Variants in CCDC91 observed in about 807,000 individuals in gnomAD.
The protein encoded by CCDC91 is coiled-coil domain-containing protein 91.
In CCDC91, 48 loss-of-function variants were observed where a neutral mutation model predicts 63.2. That is an observed-to-expected ratio of 0.76 (90% CI 0.60 to 0.97). The LOEUF is 0.97. CCDC91 is among the 50% of genes least tolerant of loss of function. The pLI is 0.00. For missense variants in CCDC91, 500 were observed against 494.6 expected (o/e 1.01, Z -0.10); for synonymous variants, 167 against 165.8 (o/e 1.01, Z -0.06).
At chr12:28,538,353 G>A (rs563482877) in intron 12 of CCDC91, among the ~76,000 whole-genome samples, 13 of 148,110 alleles carry the variant, frequency 8.8e-5, no homozygotes, top group African/African-American at 1.5e-4. Flanking sequence ...GAGAACATGC[G>A]CTGTTTGGTT....
chr12:28,426,492 T>C (rs1206797538), intron 8 of CCDC91, among the ~76,000 whole-genome samples: 3 of 152,130 alleles, frequency 2.0e-5, no homozygotes, highest in African/African-American at 7.2e-5. Context: ...TTTTGTTTGA[T>C]TTTTTGCCCT....
intron 8 of CCDC91, among the ~76,000 whole-genome samples, chr12:28,446,445 A>C (rs1237892612): frequency 6.6e-6 from 1 of 152,228 alleles, no homozygotes; most frequent in Non-Finnish European, 1.5e-5. Context: ...AACTTCAAGG[A>C]AACAGAGACA....
chr12:28,443,327 C>T (rs1406696129), intron 8 of CCDC91, among the ~76,000 whole-genome samples: 4 of 151,752 alleles, frequency 2.6e-5, no homozygotes, highest in African/African-American at 7.3e-5. Context: ...CTGCCCTCGA[C>T]CTCTTTTCTA....
chr12:28,290,784 AC>A (rs1000059355), intron 3 of CCDC91, among the ~76,000 whole-genome samples: 33 of 151,078 alleles, frequency 2.2e-4, no homozygotes, highest in African/African-American at 7.3e-4. Context: ...ATTGATATTT[AC>A]CTTAAAGATT....
intron 6 of CCDC91, among the ~76,000 whole-genome samples, chr12:28,343,552 A>G (rs1942593194): frequency 6.6e-6 from 1 of 152,132 alleles, no homozygotes. Context: ...ATTACACAGA[A>G]AAATGAGCTT....
At chr12:28,339,212 A>G (rs1465895179) in intron 6 of CCDC91, among the ~76,000 whole-genome samples, 3 of 152,200 alleles carry the variant, frequency 2.0e-5, no homozygotes, top group Non-Finnish European at 4.4e-5. Flanking sequence ...CATGAAGGAA[A>G]GGGAGTAGTT....
rs563084565 is a variant in CCDC91 at position 28,444,010 on chromosome 12, G to A, written c.763-6151G>A. On this transcript the variant is annotated intron_variant, in intron 8 of 12. Transcript: ENST00000536442. ...ATATCCCTAAACCCTTCAGTGAAGG[G>A]GAATGGTGATAGCATCATTGGTCAC... Among the ~76,000 whole-genome samples, 82 of 152,198 alleles carry A rather than the reference G, an allele frequency of 5.4e-4. 1 individual carries two copies. Among genetic ancestry groups the A allele is most frequent in the South Asian group, 3.5e-3 (17 of 4,820 alleles).
At position 28,198,766 on chromosome 12, in the gene CCDC91, C is replaced by T. The variant is rs111630964; in HGVS notation, c.-15+8125C>T. On this transcript the variant is annotated intron_variant, in intron 1 of 12. Transcript: ENST00000536442. ...AATCCATTTACAATTAATGTATTTA[C>T]TAATGCTTAAGGTAGTATTTATGTC... is the stretch of plus-strand genomic sequence containing the variant. 9.1e-3 allele frequency among the ~76,000 whole-genome samples: 1,381 copies of T among 152,196 alleles called. 17 individuals are homozygous for T. Among genetic ancestry groups the T allele is most frequent in the African/African-American group, 0.032 (1,322 of 41,530 alleles).
At chr12:28,514,515 G>T (rs1939723221) in intron 12 of CCDC91, among the ~76,000 whole-genome samples, 1 of 150,080 alleles carries the variant, frequency 6.7e-6, no homozygotes, top group Admixed American at 6.6e-5. Flanking sequence ...GTCAATTTTT[G>T]CTTTGGTTGT....
chr12:28,317,446 T>C (rs1592289348), intron 6 of CCDC91, among the ~76,000 whole-genome samples: 2 of 152,120 alleles, frequency 1.3e-5, no homozygotes. Flanking sequence ...CTCAATCTCA[T>C]AGCAATAAAA....
intron 11 of CCDC91, among the ~76,000 whole-genome samples, chr12:28,466,632 A>G (rs1434484596): frequency 1.3e-5 from 2 of 152,168 alleles, no homozygotes; most frequent in African/African-American, 4.8e-5. Flanking sequence ...TCCTTCAGTC[A>G]TGAAGGAGGA....
At position 28,472,946 on chromosome 12, in the gene CCDC91, CT is replaced by C. The variant is rs966768211; in HGVS notation, c.1102-11097del. 4.0e-5 allele frequency among the ~76,000 whole-genome samples: 6 copies of C among 151,408 alleles called. No individual in the cohort carries two copies. The South Asian group carries it at 6.3e-4, about 16-fold the overall frequency. ...AAATTTGTGTGGAATAGAAGTCTTA[CT>C]TTTTTTTTAAGCTGTTGTTGCACAG... On this transcript the variant is annotated intron_variant, in intron 11 of 12. Coordinates refer to ENST00000536442, the MANE Select transcript of CCDC91 (RefSeq NM_018318.5).
chr12:28,199,886 G>A (rs1282445928), intron 1 of CCDC91, among the ~76,000 whole-genome samples: 1 of 152,054 alleles, frequency 6.6e-6, no homozygotes, highest in African/African-American at 2.4e-5. Flanking sequence ...TTTATGTTTC[G>A]AAAGTTTGGT....
intron 11 of CCDC91, among the ~76,000 whole-genome samples, chr12:28,474,268 G>A (rs1414849351): frequency 1.3e-5 from 2 of 149,846 alleles, no homozygotes; most frequent in Non-Finnish European, 3.0e-5. Flanking sequence ...AGTTAAAAAT[G>A]ATAATAATGT....
At chr12:28,458,534 A>G (rs1950164981) in intron 11 of CCDC91, among the ~76,000 whole-genome samples, 1 of 119,614 alleles carries the variant, frequency 8.4e-6, no homozygotes, top group African/African-American at 3.3e-5. Context: ...CAGGGGTGCT[A>G]TCTTAGCTCA....
chr12:28,519,290 G>T (rs1940313222), intron 12 of CCDC91, among the ~76,000 whole-genome samples: 8 of 130,350 alleles, frequency 6.1e-5, no homozygotes, highest in Admixed American at 5.1e-4. Context: ...TTGCTAAGTT[G>T]TTTGTTTGTT....
chr12:28,347,380 ACTT>A (rs1486473007), intron 6 of CCDC91, among the ~76,000 whole-genome samples: 11 of 152,248 alleles, frequency 7.2e-5, no homozygotes, highest in Non-Finnish European at 1.2e-4. Flanking sequence ...CTCAGCTGTT[ACTT>A]CTTCTTCTGT....
intron 11 of CCDC91, among the ~76,000 whole-genome samples, chr12:28,476,287 T>G (rs1319855579): frequency 1.3e-5 from 2 of 152,076 alleles, no homozygotes; most frequent in East Asian, 3.9e-4. Flanking sequence ...CAGACCACAG[T>G]GCAATCAAAC....
At chr12:28,325,637 T>C (rs1189904889) in intron 6 of CCDC91, among the ~76,000 whole-genome samples, 1 of 151,916 alleles carries the variant, frequency 6.6e-6, no homozygotes, top group Non-Finnish European at 1.5e-5. Flanking sequence ...AAGATGACTT[T>C]AAAGCCAAAA....
Sources: gnomAD v4.1 joint callset for allele counts (sites outside exome capture counted in the v4.1 genomes callset) on GRCh38, gnomAD v4.1.1 for gene constraint, MANE v1.5 for transcripts, NCBI Gene and HGNC (gene_info 2026-07-23, HGNC 2026-07-21) for gene names.